The following RNF169 variants were observed in gnomAD, a reference collection of about 807,000 sequenced individuals.
RNF169 encodes the protein E3 ubiquitin-protein ligase RNF169.
Under a neutral mutation model 53.9 loss-of-function variants are expected in RNF169, and 24 were observed. The ratio of observed to expected loss-of-function variants is 0.45; its 90% CI spans 0.32 to 0.63. The LOEUF (loss-of-function observed/expected upper bound fraction) is 0.63, where lower values mean the gene tolerates loss of function less well. Ranked by LOEUF, RNF169 falls within the 20% of genes least tolerant of loss-of-function variation. The pLI is 0.04. For synonymous variants in RNF169, 396 were observed against 363.5 expected (o/e 1.09, Z -1.02); for missense variants, 883 against 906.2 (o/e 0.97, Z 0.33).
At chr11:74,750,333 CAT>C (rs2034867444) in intron 1 of RNF169, among the ~76,000 whole-genome samples, 1 of 152,152 alleles carries the variant, frequency 6.6e-6, no homozygotes, top group African/African-American at 2.4e-5. Flanking sequence ...TTTCAAGAAA[CAT>C]AAATCACGAA....
intron 1 of RNF169, among the ~76,000 whole-genome samples, chr11:74,770,349 G>A (rs1233489072): frequency 6.6e-6 from 1 of 152,200 alleles, no homozygotes; most frequent in African/African-American, 2.4e-5. Flanking sequence ...CTTTTCAAGG[G>A]GCTGGAAATA....
At chr11:74,809,118 GTTTGT>G (rs748703483) in intron 2 of RNF169, among the ~76,000 whole-genome samples, 15 of 151,882 alleles carry the variant, frequency 9.9e-5, no homozygotes, top group East Asian at 1.9e-4. Context: ...GTTTTTGTGT[GTTTGT>G]TTTGTTTTGT....
chr11:74,835,787 G>C lies in RNF169; in HGVS notation c.1184G>C (p.Arg395Thr). The C allele has an allele frequency of 6.2e-7, 1 of 1,614,160 alleles. No homozygotes were observed. Among genetic ancestry groups the C allele is most frequent in the Non-Finnish European group, 8.5e-7 (1 of 1,180,028 alleles). Residue 395 changes from arginine to threonine, a missense_variant, in exon 6 of 6, where the codon AGA becomes ACA. Physicochemically the swap from Arg to Thr is moderately conservative, Grantham distance 71. Coordinates refer to ENST00000299563, the MANE Select transcript of RNF169 (RefSeq NM_001098638.2). ...TGCTCACCATGTACTCCTCCCAAGA[G>C]ACTCCCTGATGGCCGTGTGCTAAGT... ...IVCSPCTPPK[R>T]LPDGRVLSPL...
At chr11:74,749,945 A>G (rs1280192467) in intron 1 of RNF169, among the ~76,000 whole-genome samples, 3 of 152,208 alleles carry the variant, frequency 2.0e-5, no homozygotes, top group African/African-American at 7.2e-5. Flanking sequence ...AACTTGGCAC[A>G]TAGTGAGGAA....
Position 74,835,788 on chromosome 11 carries a change from A to G in RNF169, c.1185A>G (p.Arg395=), listed in dbSNP as rs760916928. 81 of 1,613,824 alleles carry G rather than the reference A, an allele frequency of 5.0e-5. 3 individuals are homozygous for G. The Admixed American group carries it at 1.4e-3, about 27-fold the overall frequency. ...GCTCACCATGTACTCCTCCCAAGAGACTCCCTGATGGCCGTGTGCTAAGTC... is the reference window on the plus strand; with the variant it reads ...GCTCACCATGTACTCCTCCCAAGAGGCTCCCTGATGGCCGTGTGCTAAGTC... ...IVCSPCTPPK[R]LPDGRVLSPL... The change falls in exon 6 of 6, where the codon AGA becomes AGG. Residue 395 remains arginine (R), a synonymous_variant. Coordinates refer to ENST00000299563, the MANE Select transcript of RNF169 (RefSeq NM_001098638.2).
intron 4 of RNF169, among the ~76,000 whole-genome samples, chr11:74,818,397 C>G (rs1481052178): frequency 6.6e-6 from 1 of 152,042 alleles, no homozygotes; most frequent in Non-Finnish European, 1.5e-5. Context: ...TGTAAAGATA[C>G]AATCTTTTTT....
chr11:74,835,974 T>C lies in RNF169; in HGVS notation c.1371T>C (p.Pro457=). ...AAGCCACTCTTACCTCTCTGGCTCC[T>C]GAAATGGGGGAAGAGTTACTAGGCT... The part of the protein sequence containing the change: ...LSKATLTSLA[P]EMGEELLGSE... The change falls in exon 6 of 6, where the codon CCT becomes CCC. Residue 457 remains proline, a synonymous_variant. Transcript: ENST00000299563. The C allele has an allele frequency of 6.2e-7, 1 of 1,614,174 alleles. No homozygotes were observed. The highest frequency in any genetic ancestry group is 1.1e-5 in the South Asian group (1 of 91,084).
At chr11:74,764,136 G>A (rs1257732097) in intron 1 of RNF169, among the ~76,000 whole-genome samples, 1 of 152,238 alleles carries the variant, frequency 6.6e-6, no homozygotes, top group Non-Finnish European at 1.5e-5. Flanking sequence ...GCAATAATCA[G>A]ACTGAGAGCA....
intron 2 of RNF169, among the ~76,000 whole-genome samples, chr11:74,792,784 G>A (rs762124040): frequency 6.6e-5 from 10 of 152,196 alleles, no homozygotes; most frequent in Non-Finnish European, 1.3e-4. Flanking sequence ...GGAGAGGTAT[G>A]GGACAGTGGT....
intron 1 of RNF169, among the ~76,000 whole-genome samples, chr11:74,767,895 C>G (rs989895556): frequency 6.6e-6 from 1 of 152,114 alleles, no homozygotes; most frequent in African/African-American, 2.4e-5. Flanking sequence ...CAGGGCAGGT[C>G]TTGAACTCCT....
intron 2 of RNF169, among the ~76,000 whole-genome samples, chr11:74,791,897 C>G (rs548811665): frequency 6.6e-6 from 1 of 152,222 alleles, no homozygotes; most frequent in Admixed American, 6.5e-5. Context: ...CTCCGTGGAG[C>G]GTACAGCCCC....
intron 1 of RNF169, among the ~76,000 whole-genome samples, chr11:74,763,251 T>C (rs1414592687): frequency 1.3e-5 from 2 of 152,200 alleles, no homozygotes; most frequent in Admixed American, 1.3e-4. Context: ...GGTACGTCCA[T>C]ACCTTAGACC....
chr11:74,748,899 A>G lies in RNF169; in HGVS notation c.19A>G (p.Ser7Gly). 1.4e-6 allele frequency: 2 copies of G among 1,433,080 alleles called. No individual in the cohort carries two copies. The highest frequency in any genetic ancestry group is 1.8e-6 in the Non-Finnish European group (2 of 1,081,694). 88.8% of individuals were successfully genotyped at this position (1,433,080 alleles called of 1,614,324 possible). ...AAACAAGATGGCGGCTGCAGGTCCG[A>G]GTACTCGGGCCTCTTCCGCGGCGGC... MAAAGP[S>G]TRASSAAAAA... The change falls in exon 1 of 6, where the codon AGT becomes GGT. Residue 7 changes from serine to glycine, a missense_variant. Coordinates refer to ENST00000299563, the MANE Select transcript of RNF169 (RefSeq NM_001098638.2).
At chr11:74,790,197 C>A (rs542025359) in intron 2 of RNF169, among the ~76,000 whole-genome samples, 2 of 152,210 alleles carry the variant, frequency 1.3e-5, no homozygotes, top group South Asian at 4.1e-4. Context: ...TCCATATCAT[C>A]TTATTTATGA....
chr11:74,767,608 C>T (rs1264130989), intron 1 of RNF169, among the ~76,000 whole-genome samples: 2 of 151,858 alleles, frequency 1.3e-5, no homozygotes, highest in Non-Finnish European at 2.9e-5. Context: ...CTCGCTCTGT[C>T]GCCCAGGCTG....
chr11:74,763,111 A>G (rs1460086820), intron 1 of RNF169, among the ~76,000 whole-genome samples: 1 of 152,204 alleles, frequency 6.6e-6, no homozygotes, highest in East Asian at 1.9e-4. Flanking sequence ...AAATGAAAAA[A>G]GTTTGCCTGA....
intron 3 of RNF169, among the ~76,000 whole-genome samples, chr11:74,812,399 A>G (rs1376496750): frequency 6.6e-6 from 1 of 152,094 alleles, no homozygotes; most frequent in Non-Finnish European, 1.5e-5. Flanking sequence ...GGGTCAAGCA[A>G]TTCTCTCTCC....
chr11:74,810,889 A>G (rs1440028385), intron 3 of RNF169, among the ~76,000 whole-genome samples: 2 of 152,212 alleles, frequency 1.3e-5, no homozygotes, highest in African/African-American at 4.8e-5. Flanking sequence ...TACATAAGGA[A>G]GCACTTTTGG....
At chr11:74,785,382 T>G (rs1420171658) in intron 1 of RNF169, among the ~76,000 whole-genome samples, 1 of 149,032 alleles carries the variant, frequency 6.7e-6, no homozygotes, top group Non-Finnish European at 1.5e-5. Context: ...CTAAATACTC[T>G]CGCTTAATTG....
Sources: allele counts gnomAD v4.1 joint callset (sites outside exome capture counted in the v4.1 genomes callset), GRCh38; gene constraint gnomAD v4.1.1; transcripts MANE v1.5; gene names NCBI Gene and HGNC (gene_info 2026-07-23, HGNC 2026-07-21).